The following TCF4 variants were observed in gnomAD, a reference collection of about 807,000 sequenced individuals.
The protein encoded by TCF4 is transcription factor 4.
Under a neutral mutation model 82.1 loss-of-function variants are expected in TCF4, and 3 were observed. That is an observed-to-expected ratio of 0.04 (90% confidence interval 0.02 to 0.09). TCF4 has a LOEUF of 0.09. TCF4 is among the 10% of genes least tolerant of loss of function. The pLI is 1.00. For synonymous variants in TCF4, 276 were observed against 309.6 expected (o/e 0.89, Z 1.14); for missense variants, 518 against 852.7 (o/e 0.61, Z 4.89).
intron 5 of TCF4, among the ~76,000 whole-genome samples, chr18:55,414,106 G>GT (rs1454100589): frequency 6.6e-6 from 1 of 152,168 alleles, no homozygotes; most frequent in Non-Finnish European, 1.5e-5. Flanking sequence ...AGACAAGGTG[G>GT]TAACAGGAGA....
At chr18:55,258,341 C>T (rs2057338713) in intron 13 of TCF4, among the ~76,000 whole-genome samples, 1 of 152,162 alleles carries the variant, frequency 6.6e-6, no homozygotes, top group South Asian at 2.1e-4. Flanking sequence ...TTCCATGATG[C>T]ATTACCAAGA....
At chr18:55,295,454 C>T (rs996173756) in intron 8 of TCF4, among the ~76,000 whole-genome samples, 2 of 152,202 alleles carry the variant, frequency 1.3e-5, no homozygotes, top group Non-Finnish European at 2.9e-5. Context: ...CTCCTGGATG[C>T]TGCAGCCAAA....
upstream of TCF4, chr18:55,589,434 A>G: frequency 9.5e-7 from 1 of 1,056,260 alleles, no homozygotes; most frequent in Non-Finnish European, 1.1e-6. Context: ...GTCCTGCTCC[A>G]GGGATATCCA....
chr18:55,289,014 C>T (rs899687867), intron 8 of TCF4, among the ~76,000 whole-genome samples: 6 of 152,214 alleles, frequency 3.9e-5, no homozygotes, highest in Admixed American at 6.5e-5. Context: ...TTGCTCTTGG[C>T]AATAACTGAG....
intron 3 of TCF4, among the ~76,000 whole-genome samples, chr18:55,468,404 T>C (rs1409499510): frequency 6.6e-6 from 1 of 152,174 alleles, no homozygotes; most frequent in Admixed American, 6.5e-5. Flanking sequence ...AATCCTGGTA[T>C]TAAGCCAGAC....
At chr18:55,482,914 C>G (rs2096461131) in intron 3 of TCF4, 1 of 152,216 alleles carries the variant, frequency 6.6e-6, no homozygotes, top group Admixed American at 6.5e-5. Flanking sequence ...CTTGTCCCCC[C>G]TGACTAGCAA....
chr18:55,453,123 A>T (rs1435850090), intron 5 of TCF4, among the ~76,000 whole-genome samples: 1 of 152,016 alleles, frequency 6.6e-6, no homozygotes, highest in African/African-American at 2.4e-5. Flanking sequence ...CCCTGCCCCA[A>T]CCTCTGCAGC....
intron 15 of TCF4, among the ~76,000 whole-genome samples, chr18:55,248,035 A>G (rs2053841519): frequency 6.6e-6 from 1 of 152,208 alleles, no homozygotes; most frequent in Non-Finnish European, 1.5e-5. Flanking sequence ...CAGTAGAGAT[A>G]ATCTCTTAAA....
chr18:55,393,784 A>G (rs959763747), intron 6 of TCF4, among the ~76,000 whole-genome samples: 20 of 152,228 alleles, frequency 1.3e-4, no homozygotes, highest in African/African-American at 4.8e-4. Flanking sequence ...CAGCTAAATA[A>G]AAATAACATA....
intron 5 of TCF4, among the ~76,000 whole-genome samples, chr18:55,445,163 T>C (rs951865985): frequency 2.0e-5 from 3 of 152,132 alleles, no homozygotes; most frequent in Non-Finnish European, 4.4e-5. Flanking sequence ...AAATCAATCC[T>C]TGAGTAGTTT....
intron 8 of TCF4, among the ~76,000 whole-genome samples, chr18:55,315,870 C>CT (rs1009269058): frequency 7.4e-4 from 111 of 150,368 alleles, no homozygotes; most frequent in East Asian, 1.2e-3. Flanking sequence ...CAAACAACTG[C>CT]TTTTTTTTTA....
At chr18:55,287,297 T>C (rs759115498) in intron 8 of TCF4, among the ~76,000 whole-genome samples, 3 of 152,212 alleles carry the variant, frequency 2.0e-5, no homozygotes, top group Admixed American at 1.3e-4. Context: ...TATACATCCA[T>C]ATCTATACAC....
In TCF4 at chr18:55,261,544, A is replaced by G. The variant is rs755956653; in HGVS notation, c.923-11T>C. 5.0e-6 allele frequency: 8 copies of G among 1,613,898 alleles called. No individual in the cohort carries two copies. The Admixed American group carries it at 1.3e-4, about 27-fold the overall frequency. ...CGCTTCCTCTATTTGCTGCAAAAACAAAAGGCAGAATATGAAAACCAGGCA... is the reference window on the plus strand; with the variant it reads ...CGCTTCCTCTATTTGCTGCAAAAACGAAAGGCAGAATATGAAAACCAGGCA... On this transcript the variant is annotated splice_polypyrimidine_tract_variant and intron_variant, in intron 11 of 19. Transcript: ENST00000354452.
intron 5 of TCF4, among the ~76,000 whole-genome samples, chr18:55,427,266 A>G (rs1260421503): frequency 1.3e-5 from 2 of 152,102 alleles, no homozygotes; most frequent in Non-Finnish European, 2.9e-5. Context: ...TGAGGGGAAA[A>G]CATTGGAAGG....
chr18:55,516,806 G>C (rs1237622574), intron 3 of TCF4, among the ~76,000 whole-genome samples: 1 of 151,834 alleles, frequency 6.6e-6, no homozygotes, highest in Admixed American at 6.6e-5. Flanking sequence ...TAGAGTGGGA[G>C]AGAAAGCAAA....
At chr18:55,234,375 C>T in intron 16 of TCF4, 173 bp downstream of exon 16, 1 of 849,932 alleles carries the variant, frequency 1.2e-6, no homozygotes, top group Non-Finnish European at 1.8e-6. Context: ...TGGAGAAACA[C>T]AATTAGCGGG....
At chr18:55,577,331 G>C (rs1439966327) in intron 3 of TCF4, among the ~76,000 whole-genome samples, 2 of 150,106 alleles carry the variant, frequency 1.3e-5, no homozygotes, top group African/African-American at 4.9e-5. Context: ...TAGATGAAAA[G>C]CTGACTAGCT....
chr18:55,259,992 T>A lies in TCF4; in HGVS notation c.1026A>T (p.Ser342=). 6.2e-7 allele frequency: 1 copy of A among 1,613,462 alleles called. No individual in the cohort carries two copies. Among genetic ancestry groups the A allele is most frequent in the Non-Finnish European group, 8.5e-7 (1 of 1,179,592 alleles). ...YSPDHTNNSF[S]SNPSTPVGSP... is the part of the protein sequence containing the mutation. ...AGCCAACAGGAGTTGAAGGGTTTGATGAAAAGCTGTTGTTAGTGTGATCTG... is the reference window on the plus strand; with the variant it reads ...AGCCAACAGGAGTTGAAGGGTTTGAAGAAAAGCTGTTGTTAGTGTGATCTG... Residue 342 remains serine (S), a synonymous_variant, in exon 13 of 20, where the codon TCA becomes TCT. Coordinates refer to ENST00000354452, the MANE Select transcript of TCF4 (RefSeq NM_001083962.2).
At chr18:55,355,420 TA>T (rs1193256901) in intron 6 of TCF4, among the ~76,000 whole-genome samples, 2 of 152,166 alleles carry the variant, frequency 1.3e-5, no homozygotes, top group Non-Finnish European at 1.5e-5. Flanking sequence ...CCCTGTCGAA[TA>T]GTTGCTGCTG....
Sources: allele counts gnomAD v4.1 joint callset (sites outside exome capture counted in the v4.1 genomes callset), GRCh38; gene constraint gnomAD v4.1.1; transcripts MANE v1.5; gene names NCBI Gene and HGNC (gene_info 2026-07-23, HGNC 2026-07-21).